The following ANXA10 variants were observed in gnomAD, a reference collection of about 807,000 sequenced individuals.
ANXA10 encodes the protein annexin A10.
In ANXA10, 49 loss-of-function variants were observed where a neutral mutation model predicts 53.5. The ratio of observed to expected loss-of-function variants is 0.92; its 90% CI spans 0.73 to 1.16. The LOEUF (loss-of-function observed/expected upper bound fraction) is 1.16. ANXA10 is among the 50% of genes most tolerant of loss of function. The probability of loss-of-function intolerance (pLI) is 0.00; values close to 1 mark genes in which losing one functional copy is unlikely to be tolerated. For missense variants in ANXA10, 393 were observed against 394.4 expected (o/e 1.00, Z 0.03); for synonymous variants, 131 against 128.9 (o/e 1.02, Z -0.11).
chr4:168,127,992 G>A (rs1220506612), intron 1 of ANXA10, 92 bp from the exon 2 acceptor site: 1 of 1,165,868 alleles, frequency 8.6e-7, no homozygotes, highest in East Asian at 2.4e-5. Flanking sequence ...CCAAAGTGCA[G>A]AGATTACAGG....
intron 1 of ANXA10, among the ~76,000 whole-genome samples, chr4:168,120,349 A>C (rs138704609): frequency 1.3e-5 from 2 of 152,114 alleles, no homozygotes. Context: ...CAATCTAGTC[A>C]AGTGTAAAAT....
chr4:168,099,287 G>C (rs1730601402), intron 1 of ANXA10, among the ~76,000 whole-genome samples: 1 of 152,082 alleles, frequency 6.6e-6, no homozygotes, highest in South Asian at 2.1e-4. Flanking sequence ...CATTCATTTA[G>C]TTGCCAGTCT....
chr4:168,129,585 A>G (rs1482964938), intron 2 of ANXA10, among the ~76,000 whole-genome samples: 1 of 152,144 alleles, frequency 6.6e-6, no homozygotes, highest in Non-Finnish European at 1.5e-5. Flanking sequence ...CCAGAGCATG[A>G]ACACAGCTCA....
chr4:168,145,822 A>G (rs1731397132), intron 3 of ANXA10, among the ~76,000 whole-genome samples: 1 of 152,196 alleles, frequency 6.6e-6, no homozygotes, highest in African/African-American at 2.4e-5. Flanking sequence ...TCAAGAAGAT[A>G]GAGTCAGAAG....
intron 10 of ANXA10, 51 bp from the exon 11 acceptor site, chr4:168,184,508 G>A: frequency 6.2e-7 from 1 of 1,606,520 alleles, no homozygotes; most frequent in Non-Finnish European, 8.5e-7. Context: ...GGGACAGACT[G>A]ACTTTTAGGA....
At position 168,139,529 on chromosome 4, in the gene ANXA10, C is replaced by T; in HGVS notation, c.144C>T (p.Cys48=). 1 of 1,613,214 alleles carries T rather than the reference C, an allele frequency of 6.2e-7. No individual in the cohort carries two copies. The highest frequency in any genetic ancestry group is 1.1e-5 in the South Asian group (1 of 91,038). The change falls in exon 3 of 12, where the codon TGC becomes TGT. Residue 48 remains cysteine, a synonymous_variant. Transcript: ENST00000359299. ...TGATCAACATTCTGACTCAGCGCTGCAATGCACAAAGGATGATGATTGCAG... is the reference window on the plus strand; with the variant it reads ...TGATCAACATTCTGACTCAGCGCTGTAATGCACAAAGGATGATGATTGCAG... ...DMLINILTQR[C]NAQRMMIAEA... is the part of the protein sequence containing the mutation.
chr4:168,165,362 T>C, intron 6 of ANXA10, 36 bp downstream of exon 6: 1 of 1,173,440 alleles, frequency 8.5e-7, no homozygotes, highest in Non-Finnish European at 1.2e-6. Flanking sequence ...CTTTGCACTA[T>C]CTAAGCAAAT....
At position 168,175,498 on chromosome 4, in the gene ANXA10, A is replaced by C. The variant is rs145182388; in HGVS notation, c.481-2242A>C. 7.4e-3 allele frequency among the ~76,000 whole-genome samples: 1,130 copies of C among 152,328 alleles called. 6 individuals are homozygous for C. Among genetic ancestry groups the C allele is most frequent in the Non-Finnish European group, 0.013 (895 of 68,018 alleles). Reference sequence around the variant, plus strand: ...TGATATTTCATACACATTCTTCTCTAACAATCAGACCTTGGGCAATTCACT... The same window carrying C: ...TGATATTTCATACACATTCTTCTCTCACAATCAGACCTTGGGCAATTCACT... On this transcript the variant is annotated intron_variant, in intron 6 of 11. Transcript: ENST00000359299.
intron 1 of ANXA10, among the ~76,000 whole-genome samples, chr4:168,121,405 C>T (rs553656671): frequency 1.3e-5 from 2 of 152,028 alleles, no homozygotes; most frequent in Admixed American, 6.6e-5. Flanking sequence ...ACATGTTAGC[C>T]GTTTATTTTA....
chr4:168,158,644 A>G (rs73862564), intron 3 of ANXA10, among the ~76,000 whole-genome samples: 1 of 152,174 alleles, frequency 6.6e-6, no homozygotes, highest in African/African-American at 2.4e-5. Context: ...CTTAGAGGAT[A>G]AGCATTTAGT....
At position 168,164,200 on chromosome 4, in the gene ANXA10, A is replaced by T. The variant is rs757677021; in HGVS notation, c.312A>T (p.Gly104=). The T allele has an allele frequency of 1.9e-6, 3 of 1,604,402 alleles. No individual in the cohort carries two copies. Among genetic ancestry groups the T allele is most frequent in the Non-Finnish European group, 2.6e-6 (3 of 1,171,554 alleles). ...DAHELWHAMK[G]VGTDENCLIE... is the part of the protein sequence containing the mutation. ...TATCTCTTTTTTCCTTTCTCTAGGG[A>T]GTAGGCACTGATGAGAATTGCCTCA... Residue 104 remains glycine, a splice_region_variant and synonymous_variant, in exon 5 of 12, where the codon GGA becomes GGT. Coordinates refer to ENST00000359299, the MANE Select transcript of ANXA10 (RefSeq NM_007193.5).
intron 3 of ANXA10, among the ~76,000 whole-genome samples, chr4:168,156,206 T>TTATA (rs1368446784): frequency 0.026 from 432 of 16,836 alleles, 3 homozygotes; most frequent in Non-Finnish European, 0.035. Flanking sequence ...ATAATATATA[T>TTATA]TATATTATAT....
In ANXA10 at chr4:168,094,427, A is replaced by C. The variant is rs1280511683; in HGVS notation, c.18+1709A>C. Among the ~76,000 whole-genome samples, 6 of 152,290 alleles carry C rather than the reference A, an allele frequency of 3.9e-5. No homozygotes were observed. The South Asian group carries it at 1.2e-3, about 32-fold the overall frequency. On this transcript the variant is annotated intron_variant, in intron 1 of 11. Transcript: ENST00000359299. ...TCAGTATAGTTTAAAGTAATTTTCT[A>C]TCTTAAGGTATATGACCCCAGTGGT...
intron 6 of ANXA10, among the ~76,000 whole-genome samples, chr4:168,175,426 G>C (rs1732108001): frequency 6.6e-6 from 1 of 152,162 alleles, no homozygotes; most frequent in Admixed American, 6.5e-5. Flanking sequence ...AGTTATTTAG[G>C]CTAAGGGAAG....
Position 168,156,123 on chromosome 4 carries a change from T to TA in ANXA10, c.196-6405_196-6404insA, listed in dbSNP as rs1560784332. ...TATATAAATATTATATTTATTTATATTTATATATATTATATATAAAAATAA... is the reference window on the plus strand; with the variant it reads ...TATATAAATATTATATTTATTTATATATTATATATATTATATATAAAAATAA... On this transcript the variant is annotated intron_variant, in intron 3 of 11. Coordinates refer to ENST00000359299, the MANE Select transcript of ANXA10 (RefSeq NM_007193.5). Among the ~76,000 whole-genome samples the TA allele has an allele frequency of 4.3e-3, 245 of 56,780 alleles. 2 individuals carry two copies. Among genetic ancestry groups the TA allele is most frequent in the African/African-American group, 0.016 (206 of 12,592 alleles). The allele number at this position is 56,780 out of a possible 152,430, so 37.2% of individuals were successfully genotyped here.
At chr4:168,136,083 A>G (rs1446241939) in intron 2 of ANXA10, among the ~76,000 whole-genome samples, 1 of 151,770 alleles carries the variant, frequency 6.6e-6, no homozygotes, top group Non-Finnish European at 1.5e-5. Flanking sequence ...ACCAGATCTC[A>G]TGAGAACTCA....
At chr4:168,122,701 G>A (rs547171869) in intron 1 of ANXA10, among the ~76,000 whole-genome samples, 3 of 152,272 alleles carry the variant, frequency 2.0e-5, no homozygotes, top group African/African-American at 7.2e-5. Context: ...ACAGGAGCAA[G>A]AGAGATGACT....
Position 168,183,118 on chromosome 4 carries a change from C to T in ANXA10, c.783+1377C>T, listed in dbSNP as rs1318883214. Among the ~76,000 whole-genome samples the T allele has an allele frequency of 2.0e-5, 3 of 151,822 alleles. No individual in the cohort carries two copies. In the East Asian group the frequency reaches 5.8e-4, roughly 29 times the overall value. ...CTCAAAGAAAACGATTAAAAATAAT[C>T]CAATAATACAGTAATTTTAATCATC... On this transcript the variant is annotated intron_variant, in intron 10 of 11. Transcript: ENST00000359299.
At chr4:168,160,571 C>T (rs1731764563) in intron 3 of ANXA10, among the ~76,000 whole-genome samples, 1 of 151,988 alleles carries the variant, frequency 6.6e-6, no homozygotes, top group Non-Finnish European at 1.5e-5. Flanking sequence ...TTCCTTTGGG[C>T]ATATAGCCAG....
Sources: gnomAD v4.1 joint callset for allele counts (sites outside exome capture counted in the v4.1 genomes callset) on GRCh38, gnomAD v4.1.1 for gene constraint, MANE v1.5 for transcripts, NCBI Gene and HGNC (gene_info 2026-07-23, HGNC 2026-07-21) for gene names.